Variants in BAIAP2L2 observed in about 807,000 individuals in gnomAD.
The protein encoded by BAIAP2L2 is BAR/IMD domain containing adaptor protein 2 like 2.
Under a neutral mutation model 60.4 loss-of-function variants are expected in BAIAP2L2, and 65 were observed. That is an observed-to-expected ratio of 1.08 (90% CI 0.88 to 1.32). The LOEUF is 1.32. Among genes scored for constraint, BAIAP2L2 ranks in the 40% most tolerant of loss-of-function variants. The probability of loss-of-function intolerance (pLI) is 0.00; values close to 1 mark genes in which losing one functional copy is unlikely to be tolerated. For missense variants in BAIAP2L2, 836 were observed against 741.2 expected (o/e 1.13, Z -1.48); for synonymous variants, 344 against 301.7 (o/e 1.14, Z -1.45).
At chr22:38,095,789 G>A (rs1275460402) in intron 7 of BAIAP2L2, among the ~76,000 whole-genome samples, 1 of 152,102 alleles carries the variant, frequency 6.6e-6, no homozygotes, top group African/African-American at 2.4e-5. Flanking sequence ...ATATATATGT[G>A]ATTATGAAAG....
intron 7 of BAIAP2L2, chr22:38,093,927 A>G (rs1182919730): frequency 1.3e-5 from 6 of 456,486 alleles, no homozygotes; most frequent in Non-Finnish European, 2.2e-5. Context: ...TGACAGCCAA[A>G]GAGTGGAAAC....
intron 4 of BAIAP2L2, among the ~76,000 whole-genome samples, chr22:38,101,604 A>T (rs1268223489): frequency 6.6e-6 from 1 of 150,386 alleles, no homozygotes; most frequent in Non-Finnish European, 1.5e-5. Context: ...CTGTAATCAC[A>T]GCACTTTGGA....
intron 2 of BAIAP2L2, among the ~76,000 whole-genome samples, 183 bp from the exon 3 acceptor site, chr22:38,108,524 G>A (rs2086716446): frequency 6.6e-6 from 1 of 152,180 alleles, no homozygotes; most frequent in Admixed American, 6.5e-5. Flanking sequence ...GGTGAGGGCT[G>A]GGGGCAGGGA....
intron 4 of BAIAP2L2, among the ~76,000 whole-genome samples, chr22:38,107,164 G>A (rs1170569374): frequency 6.6e-6 from 1 of 152,162 alleles, no homozygotes; most frequent in Non-Finnish European, 1.5e-5. Flanking sequence ...AACCCACCAC[G>A]AGCTAAGAAC....
At position 38,110,510 on chromosome 22, in the gene BAIAP2L2, C is replaced by T; in HGVS notation, c.16G>A (p.Asp6Asn). MAPEM[D>N]QFYRSTMAIY... Reference sequence around the variant, plus strand: ...GCCATGGTGGACCTGTAGAACTGGTCCATCTCGGGGGCCATGGAGGGGCTG... The same window carrying T: ...GCCATGGTGGACCTGTAGAACTGGTTCATCTCGGGGGCCATGGAGGGGCTG... The change falls in exon 1 of 14, where the codon GAC (aspartate) becomes AAC (asparagine). Residue 6 changes from aspartate to asparagine, a missense_variant. Physicochemically the swap from Asp to Asn is conservative, Grantham distance 23. Transcript: ENST00000381669. 2 of 1,611,472 alleles carry T rather than the reference C, an allele frequency of 1.2e-6. No homozygotes were observed. Among genetic ancestry groups the T allele is most frequent in the Non-Finnish European group, 1.7e-6 (2 of 1,178,872 alleles).
intron 12 of BAIAP2L2, 99 bp downstream of exon 12, chr22:38,086,143 G>T: frequency 7.6e-7 from 1 of 1,315,810 alleles, no homozygotes. Flanking sequence ...CCAGGTAGGC[G>T]GGTCCCCTGC....
intron 4 of BAIAP2L2, among the ~76,000 whole-genome samples, chr22:38,105,578 G>C (rs1162939869): frequency 2.0e-5 from 3 of 151,812 alleles, no homozygotes; most frequent in Non-Finnish European, 4.4e-5. Context: ...CCTGACCTCA[G>C]GTGATCCGCC....
Position 38,098,047 on chromosome 22 carries a change from T to G in BAIAP2L2, c.465+16A>C. The G allele has an allele frequency of 1.9e-5, 14 of 750,736 alleles. No individual in the cohort carries two copies. The highest frequency in any genetic ancestry group is 2.2e-5 in the Non-Finnish European group (10 of 463,466). The allele number at this position is 750,736 out of a possible 1,614,324, so 46.5% of individuals were successfully genotyped here. On this transcript the variant is annotated intron_variant, in intron 6 of 13. Transcript: ENST00000381669. ...CCCGCCCTTCCTGGCCCACCCCCGC[T>G]TCCCGGCCCTCGCACCTTCATCTCC... is the stretch of plus-strand genomic sequence containing the variant.
intron 12 of BAIAP2L2, 22 bp downstream of exon 12, chr22:38,086,220 G>A (rs1440921065): frequency 6.2e-7 from 1 of 1,606,392 alleles, no homozygotes; most frequent in African/African-American, 1.3e-5. Context: ...GAGGCCCCAA[G>A]AGAGGGCGGG....
Position 38,097,097 on chromosome 22 carries a change from G to A in BAIAP2L2, c.547C>T (p.Arg183Cys), listed in dbSNP as rs1345214549. Reference sequence around the variant, plus strand: ...TGCTTCTCTGCTAGGAAGCGATAGCGCCGCTTCTCTTCCAATTCAGCCGCC... The same window carrying A: ...TGCTTCTCTGCTAGGAAGCGATAGCACCGCTTCTCTTCCAATTCAGCCGCC... ...QRAAELEEKR[R>C]YRFLAEKHLL... The change falls in exon 7 of 14, where the codon CGC (arginine) becomes TGC (cysteine). Residue 183 changes from arginine to cysteine, a missense_variant. By Grantham distance (180) the Arg-to-Cys change is radical. Transcript: ENST00000381669. 3 of 1,614,096 alleles carry A rather than the reference G, an allele frequency of 1.9e-6. No homozygotes were observed. The highest frequency in any genetic ancestry group is 2.2e-5 in the East Asian group (1 of 44,888).
At chr22:38,101,594 C>CTG (rs1225468704) in intron 4 of BAIAP2L2, among the ~76,000 whole-genome samples, 6 of 147,644 alleles carry the variant, frequency 4.1e-5, no homozygotes, top group Non-Finnish European at 8.9e-5. Context: ...TGGCTCATGC[C>CTG]TGTAATCACA....
At chr22:38,098,541 A>G in intron 4 of BAIAP2L2, 59 bp from the exon 5 acceptor site, 1 of 1,408,966 alleles carries the variant, frequency 7.1e-7, no homozygotes, top group Non-Finnish European at 1.0e-6. Context: ...AGGCCCCAGC[A>G]CCCCCTTGCA....
chr22:38,092,510 C>G (rs1284755601), intron 7 of BAIAP2L2, among the ~76,000 whole-genome samples: 1 of 152,122 alleles, frequency 6.6e-6, no homozygotes, highest in East Asian at 1.9e-4. Context: ...CTCCTGATCT[C>G]AGGTGATCCA....
At position 38,089,522 on chromosome 22, in the gene BAIAP2L2, C is replaced by T; in HGVS notation, c.765G>A (p.Met255Ile). The T allele has an allele frequency of 1.7e-6, 2 of 1,211,446 alleles. No homozygotes were observed. Among genetic ancestry groups the T allele is most frequent in the Non-Finnish European group, 2.1e-6 (2 of 974,956 alleles). The allele number at this position is 1,211,446 out of a possible 1,614,324, so 75.0% of individuals were successfully genotyped here. A position where few individuals can be genotyped will look rare whatever the true frequency, so the allele number is the denominator to read the frequency against. The change falls in exon 8 of 14, where the codon ATG (methionine) becomes ATA (isoleucine). Residue 255 changes from methionine (M) to isoleucine (I), a missense_variant and splice_region_variant. Transcript: ENST00000381669. ...SGRLTPTCLD[M>I]PPRPLGEFSS... ...GCGGCGGGGGCGCCCAGGGCCTCAC[C>T]ATGTCCAGGCAGGTGGGCGTCAGGC...
chr22:38,107,344 C>T (rs1216876322), intron 4 of BAIAP2L2, among the ~76,000 whole-genome samples: 1 of 152,146 alleles, frequency 6.6e-6, no homozygotes, highest in African/African-American at 2.4e-5. Context: ...GCAGCGGGGA[C>T]ACCAGCAGAG....
At chr22:38,086,711 G>C (rs1258863759) in intron 11 of BAIAP2L2, among the ~76,000 whole-genome samples, 1 of 152,090 alleles carries the variant, frequency 6.6e-6, no homozygotes, top group Non-Finnish European at 1.5e-5. Context: ...ACTGCACCTT[G>C]CCACCTGGGT....
At chr22:38,093,758 G>A (rs1356029372) in intron 7 of BAIAP2L2, among the ~76,000 whole-genome samples, 1 of 152,196 alleles carries the variant, frequency 6.6e-6, no homozygotes, top group Non-Finnish European at 1.5e-5. Flanking sequence ...ACTGCTGATG[G>A]ACACGGAAAC....
chr22:38,101,928 G>T (rs577659865), intron 4 of BAIAP2L2, among the ~76,000 whole-genome samples: 1 of 152,208 alleles, frequency 6.6e-6, no homozygotes, highest in Non-Finnish European at 1.5e-5. Context: ...ACAACATTCA[G>T]AACAAAACTA....
chr22:38,110,354 T>G, intron 1 of BAIAP2L2, 121 bp downstream of exon 1: 1 of 1,061,848 alleles, frequency 9.4e-7, no homozygotes, highest in Non-Finnish European at 1.4e-6. Context: ...CCAGCCTGGC[T>G]CCAGGCTTCC....
Sources: gnomAD v4.1 joint callset for allele counts (sites outside exome capture counted in the v4.1 genomes callset) on GRCh38, gnomAD v4.1.1 for gene constraint, MANE v1.5 for transcripts, NCBI Gene and HGNC (gene_info 2026-07-23, HGNC 2026-07-21) for gene names.